SH3GL2: variants seen among roughly 807,000 people sequenced by gnomAD.
The protein encoded by SH3GL2 is endophilin-A1.
Under a neutral mutation model 46.0 loss-of-function variants are expected in SH3GL2, and 24 were observed. The ratio of observed to expected loss-of-function variants is 0.52; its 90% CI spans 0.38 to 0.73. SH3GL2 has a LOEUF of 0.73. Among genes scored for constraint, SH3GL2 ranks in the 30% least tolerant of loss-of-function variants. SH3GL2 has a pLI of 0.00. For synonymous variants in SH3GL2, 196 were observed against 147.1 expected, an observed-to-expected ratio of 1.33 and a Z score of -2.40; for missense variants, 413 against 424.2, an observed-to-expected ratio of 0.97 and a Z score of 0.23.
intron 1 of SH3GL2, among the ~76,000 whole-genome samples, chr9:17,714,160 G>T (rs576729468): frequency 7.9e-4 from 120 of 151,728 alleles, no homozygotes; most frequent in African/African-American, 2.7e-3. Context: ...CCTTACTATG[G>T]TGTATTTTTT....
At chr9:17,730,139 A>G (rs531362190) in intron 1 of SH3GL2, among the ~76,000 whole-genome samples, 157 of 152,136 alleles carry the variant, frequency 1.0e-3, no homozygotes, top group Admixed American at 2.0e-3. Context: ...TATTTCCTTG[A>G]GCAGTGTCAT....
chr9:17,678,270 A>G (rs1025704360), intron 1 of SH3GL2, among the ~76,000 whole-genome samples: 6 of 151,920 alleles, frequency 3.9e-5, no homozygotes, highest in Non-Finnish European at 7.4e-5. Context: ...AAGCGTTCCT[A>G]TTTCTCCACA....
intron 1 of SH3GL2, among the ~76,000 whole-genome samples, chr9:17,643,370 C>G (rs1449505848): frequency 6.6e-6 from 1 of 151,886 alleles, no homozygotes; most frequent in Non-Finnish European, 1.5e-5. Context: ...ATTTGAATAC[C>G]TTTATTTCTT....
At chr9:17,783,570 A>G (rs1277093531) in intron 3 of SH3GL2, among the ~76,000 whole-genome samples, 1 of 152,054 alleles carries the variant, frequency 6.6e-6, no homozygotes, top group African/African-American at 2.4e-5. Flanking sequence ...TATGCTTTAG[A>G]GTTGGGAGTT....
intron 1 of SH3GL2, among the ~76,000 whole-genome samples, chr9:17,617,791 A>G (rs1435917751): frequency 1.3e-5 from 2 of 152,066 alleles, no homozygotes; most frequent in African/African-American, 2.4e-5. Context: ...CTCTGGTCCT[A>G]TTGCTTAAAG....
At chr9:17,766,818 T>G (rs1168650487) in intron 3 of SH3GL2, among the ~76,000 whole-genome samples, 1 of 152,244 alleles carries the variant, frequency 6.6e-6, no homozygotes, top group East Asian at 1.9e-4. Flanking sequence ...ATAGTTTGCC[T>G]TTCTGTTCGA....
At chr9:17,683,585 CT>C (rs1820829678) in intron 1 of SH3GL2, among the ~76,000 whole-genome samples, 1 of 151,984 alleles carries the variant, frequency 6.6e-6, no homozygotes, top group Non-Finnish European at 1.5e-5. Context: ...TTGGAACGTC[CT>C]ACCCCTATAC....
chr9:17,635,271 G>C lies in SH3GL2; in HGVS notation c.45+55984G>C, dbSNP rs116903064. ...TCTGTTCCTGCATTAGTTTGCTAAG[G>C]ATAATGGTCTCTAGCTTCATCCATG... is the stretch of plus-strand genomic sequence containing the variant. On this transcript the variant is annotated intron_variant, in intron 1 of 8. Coordinates refer to ENST00000380607, the MANE Select transcript of SH3GL2 (RefSeq NM_003026.5). Among the ~76,000 whole-genome samples, 250 of 152,278 alleles carry C rather than the reference G, an allele frequency of 1.6e-3. 7 individuals are homozygous for C. The East Asian group carries it at 0.036, about 22-fold the overall frequency.
At chr9:17,672,709 A>AT (rs1820504295) in intron 1 of SH3GL2, among the ~76,000 whole-genome samples, 1 of 152,174 alleles carries the variant, frequency 6.6e-6, no homozygotes, top group Non-Finnish European at 1.5e-5. Context: ...CACACTCTGT[A>AT]TATTCATCAG....
intron 1 of SH3GL2, among the ~76,000 whole-genome samples, chr9:17,634,475 C>G (rs1819499049): frequency 6.6e-6 from 1 of 152,118 alleles, no homozygotes; most frequent in Non-Finnish European, 1.5e-5. Context: ...TGTTTCCAGA[C>G]CCTCTGAAAT....
intron 6 of SH3GL2, among the ~76,000 whole-genome samples, chr9:17,790,674 A>C (rs986098988): frequency 6.6e-6 from 1 of 152,138 alleles, no homozygotes; most frequent in African/African-American, 2.4e-5. Flanking sequence ...AATCAAGAGA[A>C]ATCAAGCTTA....
intron 1 of SH3GL2, among the ~76,000 whole-genome samples, chr9:17,680,805 G>A (rs752254402): frequency 6.6e-6 from 1 of 152,006 alleles, no homozygotes; most frequent in Non-Finnish European, 1.5e-5. Flanking sequence ...CTTTAAATGT[G>A]TCCCAGAGAT....
intron 2 of SH3GL2, among the ~76,000 whole-genome samples, chr9:17,753,761 C>T (rs1182307111): frequency 6.6e-6 from 1 of 152,104 alleles, no homozygotes; most frequent in Non-Finnish European, 1.5e-5. Context: ...TGCCTATGTC[C>T]TCAATGGTAT....
At chr9:17,735,006 A>T (rs562695408) in intron 1 of SH3GL2, among the ~76,000 whole-genome samples, 2 of 152,162 alleles carry the variant, frequency 1.3e-5, no homozygotes, top group Non-Finnish European at 2.9e-5. Context: ...CCTACATTCC[A>T]GAACTAAAGG....
chr9:17,771,325 A>G (rs893446093), intron 3 of SH3GL2, among the ~76,000 whole-genome samples: 4 of 152,176 alleles, frequency 2.6e-5, no homozygotes, highest in African/African-American at 9.7e-5. Flanking sequence ...GAAACATGAT[A>G]GCAAAGAACA....
rs146876296 is a variant in SH3GL2, at chr9:17,595,697, A to AT, written c.45+16414dup. Among the ~76,000 whole-genome samples the AT allele has an allele frequency of 9.6e-3, 1,464 of 152,270 alleles. 26 individuals are homozygous for AT. The highest frequency in any genetic ancestry group is 0.034 in the African/African-American group (1,393 of 41,544). Reference sequence around the variant, plus strand: ...TCAATATTATGAAATCTCTACAGCTATTTTATCTATAGGGCAATATTTATT... The same window carrying AT: ...TCAATATTATGAAATCTCTACAGCTATTTTTATCTATAGGGCAATATTTATT... On this transcript the variant is annotated intron_variant, in intron 1 of 8. Coordinates refer to ENST00000380607, the MANE Select transcript of SH3GL2 (RefSeq NM_003026.5).
chr9:17,757,927 G>C (rs1358879446), intron 2 of SH3GL2, among the ~76,000 whole-genome samples: 1 of 152,162 alleles, frequency 6.6e-6, no homozygotes, highest in Non-Finnish European at 1.5e-5. Flanking sequence ...ATGGCCCTCA[G>C]CTTGTCTCTG....
At chr9:17,614,666 GTTA>G (rs1300018411) in intron 1 of SH3GL2, among the ~76,000 whole-genome samples, 2 of 152,262 alleles carry the variant, frequency 1.3e-5, no homozygotes, top group Non-Finnish European at 1.5e-5. Flanking sequence ...TACTACTGTT[GTTA>G]TTATTACCAT....
intron 3 of SH3GL2, among the ~76,000 whole-genome samples, chr9:17,774,726 A>G (rs901788717): frequency 2.0e-5 from 3 of 152,124 alleles, no homozygotes; most frequent in African/African-American, 4.8e-5. Context: ...CACAACAATG[A>G]TCGTAAGAGA....
Sources: gnomAD v4.1 joint callset for allele counts (sites outside exome capture counted in the v4.1 genomes callset) on GRCh38, gnomAD v4.1.1 for gene constraint, MANE v1.5 for transcripts, NCBI Gene and HGNC (gene_info 2026-07-23, HGNC 2026-07-21) for gene names.